AFG2A: variants seen among roughly 807,000 people sequenced by gnomAD.
AFG2A encodes ATPase family gene 2 protein homolog A.
chr4:122,942,214 G>C, the AFG2A span, among the ~76,000 whole-genome samples: 2 of 149,218 alleles, frequency 1.3e-5, no homozygotes, highest in Non-Finnish European at 3.0e-5. Context: ...AACGGTACCA[G>C]TTCCTCCTTG....
At chr4:122,968,517 G>A in the AFG2A span, among the ~76,000 whole-genome samples, 16 of 152,210 alleles carry the variant, frequency 1.1e-4, no homozygotes, top group African/African-American at 3.1e-4. Context: ...TGCCTGTTTT[G>A]CCTTCTCTTC....
chr4:122,937,138 C>A, the AFG2A span, among the ~76,000 whole-genome samples: 2 of 152,044 alleles, frequency 1.3e-5, no homozygotes, highest in African/African-American at 2.4e-5. Flanking sequence ...CAACACACAC[C>A]CCGTCTCAAA....
At chr4:123,004,502 A>G in the AFG2A span, among the ~76,000 whole-genome samples, 2 of 152,118 alleles carry the variant, frequency 1.3e-5, no homozygotes, top group Admixed American at 6.5e-5. Flanking sequence ...GAGATAATCT[A>G]GTGTTTCTTA....
chr4:123,112,821 A>C, the AFG2A span, among the ~76,000 whole-genome samples: 1 of 152,130 alleles, frequency 6.6e-6, no homozygotes, highest in Non-Finnish European at 1.5e-5. Flanking sequence ...TTTTTTTCCA[A>C]AATGAGTTTG....
the AFG2A span, among the ~76,000 whole-genome samples, chr4:122,991,786 G>A: frequency 6.6e-6 from 1 of 152,084 alleles, no homozygotes; most frequent in African/African-American, 2.4e-5. Flanking sequence ...AATTTCTATA[G>A]CAGAACATGC....
At chr4:123,093,005 A>G in the AFG2A span, among the ~76,000 whole-genome samples, 2 of 152,142 alleles carry the variant, frequency 1.3e-5, no homozygotes, top group Non-Finnish European at 2.9e-5. Flanking sequence ...AAGTCAGTTG[A>G]TTAAGGATCC....
the AFG2A span, among the ~76,000 whole-genome samples, chr4:123,299,145 G>GTA: frequency 1.3e-5 from 2 of 152,054 alleles, no homozygotes; most frequent in Non-Finnish European, 2.9e-5. Flanking sequence ...GTGTGTGTGT[G>GTA]TGTGTGTCTG....
At chr4:123,132,991 A>G in the AFG2A span, among the ~76,000 whole-genome samples, 44 of 152,106 alleles carry the variant, frequency 2.9e-4, no homozygotes, top group Admixed American at 1.5e-3. Context: ...CGTGTTAGCC[A>G]GGATGGTCTC....
chr4:123,074,183 T>C, the AFG2A span, among the ~76,000 whole-genome samples: 1 of 139,202 alleles, frequency 7.2e-6, no homozygotes, highest in Non-Finnish European at 1.5e-5. Flanking sequence ...AGCCTCCACC[T>C]CCCAGGTTCA....
At chr4:123,028,555 G>A in the AFG2A span, 1 of 612,272 alleles carries the variant, frequency 1.6e-6, no homozygotes, top group Non-Finnish European at 2.8e-6. Flanking sequence ...GGAGATGAGT[G>A]ATAAGAAATA....
chr4:123,289,001 C>T, the AFG2A span, among the ~76,000 whole-genome samples: 5 of 152,208 alleles, frequency 3.3e-5, no homozygotes, highest in African/African-American at 1.2e-4. Flanking sequence ...ATTGAACCAG[C>T]ATGCCATTAA....
chr4:123,234,313 C>A, the AFG2A span, among the ~76,000 whole-genome samples: 2 of 152,102 alleles, frequency 1.3e-5, no homozygotes, highest in African/African-American at 4.8e-5. Flanking sequence ...TGACCTTTTA[C>A]AATTACTTAA....
chr4:123,318,976 T>C, the AFG2A span: 1 of 152,208 alleles, frequency 6.6e-6, no homozygotes, highest in Non-Finnish European at 1.5e-5. Context: ...GATATTCACA[T>C]TGACATGTCT....
At chr4:123,090,723 G>A in the AFG2A span, 1 of 1,601,182 alleles carries the variant, frequency 6.2e-7, no homozygotes, top group Non-Finnish European at 8.5e-7. Context: ...AGAAGGCATT[G>A]TGGATATTAT....
At chr4:122,925,311 A>G in the AFG2A span, among the ~76,000 whole-genome samples, 2,131 of 152,142 alleles carry the variant, frequency 0.014, 31 homozygotes, top group South Asian at 0.048. Context: ...CCAGCTTCCA[A>G]TTTTGCCCCT....
chr4:123,200,801 C>T, the AFG2A span, among the ~76,000 whole-genome samples: 3 of 152,326 alleles, frequency 2.0e-5, no homozygotes, highest in East Asian at 5.8e-4. Flanking sequence ...CAGTTACCTT[C>T]AAAAAGTAAA....
At chr4:123,193,119 G>A in the AFG2A span, among the ~76,000 whole-genome samples, 2 of 152,100 alleles carry the variant, frequency 1.3e-5, no homozygotes, top group East Asian at 3.9e-4. Context: ...GTACAACTTT[G>A]CTGAAACATG....
chr4:123,261,049 A>G, the AFG2A span, among the ~76,000 whole-genome samples: 1 of 152,244 alleles, frequency 6.6e-6, no homozygotes. Flanking sequence ...TCCCTATGAG[A>G]ATCTAACGCC....
At chr4:122,935,571 T>C in the AFG2A span, 7 of 891,026 alleles carry the variant, frequency 7.9e-6, no homozygotes, top group African/African-American at 5.0e-5. Flanking sequence ...TAGTACATCT[T>C]TCTGGAGGGG....
Sources: allele counts gnomAD v4.1 joint callset (sites outside exome capture counted in the v4.1 genomes callset), GRCh38; gene constraint gnomAD v4.1.1; transcripts MANE v1.5; gene names NCBI Gene and HGNC (gene_info 2026-07-23, HGNC 2026-07-21).